Variants in NKAIN3 observed in about 807,000 individuals in gnomAD.
NKAIN3 encodes the protein sodium/potassium transporting ATPase interacting 3.
Under a neutral mutation model 30.2 loss-of-function variants are expected in NKAIN3, and 25 were observed. The ratio of observed to expected loss-of-function variants is 0.83; its 90% CI spans 0.60 to 1.16. The LOEUF (loss-of-function observed/expected upper bound fraction) is 1.16. Ranked by LOEUF, NKAIN3 falls within the 50% of genes most tolerant of loss-of-function variation. The probability of loss-of-function intolerance (pLI) is 0.00; values close to 1 mark genes in which losing one functional copy is unlikely to be tolerated. For missense variants in NKAIN3, 225 were observed against 254.1 expected, an observed-to-expected ratio of 0.89 and a Z score of 0.78; for synonymous variants, 91 against 89.6, an observed-to-expected ratio of 1.02 and a Z score of -0.09.
intron 1 of NKAIN3, among the ~76,000 whole-genome samples, chr8:62,287,796 T>C (rs1402766819): frequency 6.6e-6 from 1 of 152,176 alleles, no homozygotes; most frequent in Non-Finnish European, 1.5e-5. Context: ...ATTCTGATTC[T>C]AACCTGGCTA....
intron 4 of NKAIN3, among the ~76,000 whole-genome samples, chr8:62,917,383 C>A (rs755569431): frequency 1.3e-5 from 2 of 152,200 alleles, no homozygotes; most frequent in Non-Finnish European, 2.9e-5. Context: ...ACCATCAGCA[C>A]CCTGGCAGAT....
At chr8:62,811,846 G>A (rs894468736) in intron 4 of NKAIN3, among the ~76,000 whole-genome samples, 3 of 151,842 alleles carry the variant, frequency 2.0e-5, no homozygotes, top group Non-Finnish European at 4.4e-5. Flanking sequence ...CCTCTTAATA[G>A]GGTCTTTCCC....
chr8:62,334,328 G>T (rs894591273), intron 1 of NKAIN3, among the ~76,000 whole-genome samples: 1 of 152,102 alleles, frequency 6.6e-6, no homozygotes, highest in African/African-American at 2.4e-5. Flanking sequence ...GTTTCTGGTG[G>T]TTGTCAGTAA....
At chr8:62,806,109 A>G (rs539685904) in intron 4 of NKAIN3, among the ~76,000 whole-genome samples, 3 of 152,356 alleles carry the variant, frequency 2.0e-5, no homozygotes, top group Non-Finnish European at 4.4e-5. Flanking sequence ...ATGAGATATC[A>G]TCTCACACCA....
chr8:62,317,356 A>G (rs1348031179), intron 1 of NKAIN3, among the ~76,000 whole-genome samples: 2 of 152,102 alleles, frequency 1.3e-5, no homozygotes, highest in Non-Finnish European at 2.9e-5. Flanking sequence ...GCCCATGCCT[A>G]TATCCTGAAT....
intron 5 of NKAIN3, among the ~76,000 whole-genome samples, chr8:62,947,551 G>C (rs565980152): frequency 1.3e-5 from 2 of 152,194 alleles, no homozygotes; most frequent in Non-Finnish European, 2.9e-5. Flanking sequence ...TCCCCATCAA[G>C]AAGTGGGGAG....
intron 1 of NKAIN3, among the ~76,000 whole-genome samples, chr8:62,575,038 G>A (rs745455380): frequency 6.6e-6 from 1 of 152,020 alleles, no homozygotes; most frequent in African/African-American, 2.4e-5. Flanking sequence ...GAAACTGAAA[G>A]TGTTTCCTCT....
At chr8:62,386,671 T>C (rs1289057428) in intron 1 of NKAIN3, among the ~76,000 whole-genome samples, 2 of 152,174 alleles carry the variant, frequency 1.3e-5, no homozygotes, top group Admixed American at 6.5e-5. Context: ...AAATACACAT[T>C]ATTATTAGAA....
At chr8:62,779,870 C>T (rs148356964) in intron 4 of NKAIN3, among the ~76,000 whole-genome samples, 66 of 151,838 alleles carry the variant, frequency 4.3e-4, no homozygotes, top group East Asian at 2.7e-3. Flanking sequence ...AAAATTCAAA[C>T]GACCAAATAA....
At chr8:62,261,304 A>G (rs1160909164) in intron 1 of NKAIN3, among the ~76,000 whole-genome samples, 5 of 152,222 alleles carry the variant, frequency 3.3e-5, no homozygotes, top group Admixed American at 2.0e-4. Flanking sequence ...GGTTTTAATA[A>G]TAGCTTTTGG....
intron 3 of NKAIN3, among the ~76,000 whole-genome samples, chr8:62,609,795 T>G (rs1299250211): frequency 6.6e-6 from 1 of 152,054 alleles, no homozygotes; most frequent in Non-Finnish European, 1.5e-5. Context: ...ATGTTTGGCA[T>G]GCACAAAGAA....
rs1193950526 is a variant in NKAIN3, at chr8:62,981,377, A to T, written c.*15970A>T. ...ATATGTCTCGTTTTCTTTTAAAGAC[A>T]TAGATATTCCATTTTAATCCTGTAT... On this transcript the variant is annotated 3_prime_UTR_variant, in exon 7 of 7. Coordinates refer to ENST00000623646, the MANE Select transcript of NKAIN3 (RefSeq NM_001304533.3). 6.6e-6 allele frequency: 1 copy of T among 152,218 alleles called. No homozygotes were observed. Among genetic ancestry groups the T allele is most frequent in the Non-Finnish European group, 1.5e-5 (1 of 68,032 alleles). The allele number at this position is 152,218 out of a possible 1,614,324, so 9.4% of individuals were successfully genotyped here. A position where few individuals can be genotyped will look rare whatever the true frequency, so the allele number is the denominator to read the frequency against.
intron 4 of NKAIN3, among the ~76,000 whole-genome samples, chr8:62,770,955 G>A (rs1316908359): frequency 1.3e-5 from 2 of 152,026 alleles, no homozygotes; most frequent in African/African-American, 2.4e-5. Flanking sequence ...AAAATATTCA[G>A]TTTTCAACGA....
chr8:62,870,261 T>G (rs1226555293), intron 4 of NKAIN3, among the ~76,000 whole-genome samples: 8 of 121,230 alleles, frequency 6.6e-5, no homozygotes, highest in African/African-American at 2.2e-4. Context: ...TATATATATA[T>G]CTATATATAG....
intron 1 of NKAIN3, among the ~76,000 whole-genome samples, chr8:62,434,492 C>A (rs539221297): frequency 3.3e-5 from 5 of 152,164 alleles, no homozygotes; most frequent in Non-Finnish European, 5.9e-5. Context: ...ATCAGACCAG[C>A]GTTTATCTTA....
At chr8:62,912,909 CA>C (rs111620337) in intron 4 of NKAIN3, among the ~76,000 whole-genome samples, 40 of 146,050 alleles carry the variant, frequency 2.7e-4, no homozygotes, top group East Asian at 2.2e-3. Context: ...AACTCTGTCT[CA>C]AAAAAAAAAG....
chr8:62,402,795 G>A (rs918330922), intron 1 of NKAIN3, among the ~76,000 whole-genome samples: 5 of 152,080 alleles, frequency 3.3e-5, no homozygotes, highest in Non-Finnish European at 7.4e-5. Flanking sequence ...CAGTAAATTG[G>A]TACCGCAAAA....
intron 4 of NKAIN3, among the ~76,000 whole-genome samples, chr8:62,760,121 A>C (rs1816599604): frequency 6.6e-6 from 1 of 152,136 alleles, no homozygotes; most frequent in Admixed American, 6.5e-5. Context: ...AAAAGTCAGG[A>C]AACAACAGAT....
intron 3 of NKAIN3, among the ~76,000 whole-genome samples, chr8:62,687,023 G>A (rs55998136): frequency 1.0e-3 from 156 of 152,144 alleles, no homozygotes; most frequent in Non-Finnish European, 1.8e-3. Context: ...ATTACATAAG[G>A]CAACATAAGC....
Sources: allele counts gnomAD v4.1 joint callset (sites outside exome capture counted in the v4.1 genomes callset), GRCh38; gene constraint gnomAD v4.1.1; transcripts MANE v1.5; gene names NCBI Gene and HGNC (gene_info 2026-07-23, HGNC 2026-07-21).